Variants in SMG1 observed in about 807,000 individuals in gnomAD.
SMG1 encodes the protein SMG1 nonsense mediated mRNA decay associated PI3K related kinase.
In SMG1, 22 loss-of-function variants were observed where a neutral mutation model predicts 419.9. The ratio of observed to expected loss-of-function variants is 0.05; its 90% CI spans 0.04 to 0.07. The LOEUF (loss-of-function observed/expected upper bound fraction) is 0.07. Ranked by LOEUF, SMG1 falls within the 10% of genes least tolerant of loss-of-function variation. SMG1 has a pLI of 1.00. For missense variants in SMG1, 3,185 were observed against 4,342.0 expected, an observed-to-expected ratio of 0.73 and a Z score of 7.49; for synonymous variants, 1,538 against 1,553.5, an observed-to-expected ratio of 0.99 and a Z score of 0.23.
At chr16:18,897,647 T>C (rs1490684166) in intron 1 of SMG1, among the ~76,000 whole-genome samples, 1 of 149,902 alleles carries the variant, frequency 6.7e-6, no homozygotes, top group East Asian at 1.9e-4. Context: ...GAATAATACC[T>C]GATGCTTATT....
chr16:18,850,046 G>A lies in SMG1; in HGVS notation c.5364C>T (p.Ala1788=), dbSNP rs1280426722. The A allele has an allele frequency of 6.2e-7, 1 of 1,613,970 alleles. No homozygotes were observed. Among genetic ancestry groups the A allele is most frequent in the East Asian group, 2.2e-5 (1 of 44,880 alleles). ...CGAGCAACCGCAGCAGGCGCAATGT[G>A]GCCATCACAATCATGTCATCAGTGC... ...EQSTDDMIVM[A]TLRLLRLLVK... Residue 1788 remains alanine, a synonymous_variant, in exon 35 of 63, where the codon GCC becomes GCT. Coordinates refer to ENST00000446231, the MANE Select transcript of SMG1 (RefSeq NM_015092.5).
intron 30 of SMG1, 49 bp from the exon 31 acceptor site, chr16:18,853,916 T>C (rs1479050243): frequency 2.0e-6 from 3 of 1,513,526 alleles, no homozygotes; most frequent in African/African-American, 1.4e-5. Flanking sequence ...AAGCAAATGA[T>C]GGAGGGAGGC....
intron 23 of SMG1, 54 bp downstream of exon 23, chr16:18,866,567 A>G (rs915221495): frequency 8.5e-6 from 13 of 1,537,860 alleles, no homozygotes; most frequent in Non-Finnish European, 1.1e-5. Flanking sequence ...TGAGTAATAC[A>G]CAGAACTTAA....
chr16:18,829,486 C>A lies in SMG1; in HGVS notation c.9403G>T (p.Asp3135Tyr). ...DFGAESKVSV[D>Y]DLCKKAVEHN... is the part of the protein sequence containing the mutation. Reference sequence around the variant, plus strand: ...TCCACCGCTTTCTTACAGAGATCATCAACAGAAACTTTGCTTTCGGCACCA... The same window carrying A: ...TCCACCGCTTTCTTACAGAGATCATAAACAGAAACTTTGCTTTCGGCACCA... The change falls in exon 54 of 63, where the codon GAT becomes TAT. Residue 3135 changes from aspartate to tyrosine, a missense_variant. This residue lies in a region of SMG1 where 737 missense variants were observed against 846.6 expected (regional missense o/e 0.87). Coordinates refer to ENST00000446231, the MANE Select transcript of SMG1 (RefSeq NM_015092.5). 1.2e-6 allele frequency: 2 copies of A among 1,614,006 alleles called. No homozygotes were observed. The highest frequency in any genetic ancestry group is 1.7e-6 in the Non-Finnish European group (2 of 1,179,886).
chr16:18,838,400 C>G lies in SMG1; in HGVS notation c.7151G>C (p.Gly2384Ala). 2.5e-6 allele frequency: 4 copies of G among 1,613,594 alleles called. No homozygotes were observed. Among genetic ancestry groups the G allele is most frequent in the Non-Finnish European group, 3.4e-6 (4 of 1,179,766 alleles). ...RMTQNIETAL[G>A]VTGVEGVFRL... ...AAATACACCTTCTACTCCAGTTACA[C>G]CCAGTGCTGTTTCAATGTTTTGTGT... Residue 2384 changes from glycine to alanine, a missense_variant, in exon 44 of 63, where the codon GGT becomes GCT. Coordinates refer to ENST00000446231, the MANE Select transcript of SMG1 (RefSeq NM_015092.5).
At chr16:18,900,674 G>T (rs2037311438) in intron 1 of SMG1, among the ~76,000 whole-genome samples, 1 of 152,166 alleles carries the variant, frequency 6.6e-6, no homozygotes, top group Admixed American at 6.6e-5. Flanking sequence ...CTCATGGTGA[G>T]ATCTAATTTA....
At chr16:18,830,433 A>G in intron 51 of SMG1, 64 bp from the exon 52 acceptor site, 1 of 1,551,160 alleles carries the variant, frequency 6.4e-7, no homozygotes, top group Non-Finnish European at 8.9e-7. Context: ...GGGAACATAC[A>G]AAGTCAGTAC....
intron 41 of SMG1, among the ~76,000 whole-genome samples, chr16:18,840,773 T>C (rs2033871203): frequency 6.6e-6 from 1 of 152,232 alleles, no homozygotes; most frequent in Non-Finnish European, 1.5e-5. Context: ...TTTAAAAGCA[T>C]GGTAAATCCA....
At chr16:18,850,660 A>G (rs938953138) in intron 33 of SMG1, among the ~76,000 whole-genome samples, 193 bp from the exon 34 acceptor site, 2 of 152,212 alleles carry the variant, frequency 1.3e-5, no homozygotes, top group Non-Finnish European at 2.9e-5. Context: ...AAGCCAGTGA[A>G]GAAGAATATA....
chr16:18,865,854 C>A (rs1483666354), intron 23 of SMG1, among the ~76,000 whole-genome samples: 1 of 151,846 alleles, frequency 6.6e-6, no homozygotes, highest in African/African-American at 2.4e-5. Flanking sequence ...TTAGTAGAGA[C>A]AGGGTTTCAC....
In SMG1 at chr16:18,876,291, C is replaced by T. The variant is rs1419381972; in HGVS notation, c.1723G>A (p.Ala575Thr). Residue 575 changes from alanine (A) to threonine (T), a missense_variant, in exon 13 of 63, where the codon GCC becomes ACC. Physicochemically the swap from Ala to Thr is moderately conservative, Grantham distance 58 (BLOSUM62 0). Coordinates refer to ENST00000446231, the MANE Select transcript of SMG1 (RefSeq NM_015092.5). Reference sequence around the variant, plus strand: ...AGACTGTGTAGGAGGTTGTTTAGGGCACAAGTCATTTCTCCCAATATTAAC... The same window carrying T: ...AGACTGTGTAGGAGGTTGTTTAGGGTACAAGTCATTTCTCCCAATATTAAC... ...YKLILGEMTCALNNLLHSLQL... is the reference protein window; with the variant it reads ...YKLILGEMTCTLNNLLHSLQL... The T allele has an allele frequency of 1.2e-6, 2 of 1,611,672 alleles. No individual in the cohort carries two copies. Among genetic ancestry groups the T allele is most frequent in the Non-Finnish European group, 1.7e-6 (2 of 1,179,664 alleles).
intron 1 of SMG1, among the ~76,000 whole-genome samples, chr16:18,897,777 C>A (rs1325831699): frequency 6.6e-6 from 1 of 152,022 alleles, no homozygotes; most frequent in African/African-American, 2.4e-5. Flanking sequence ...ATGAGTGTTA[C>A]TCTTTCAGCC....
At chr16:18,850,550 A>G in intron 33 of SMG1, 83 bp from the exon 34 acceptor site, 5 of 901,060 alleles carry the variant, frequency 5.5e-6, no homozygotes, top group Non-Finnish European at 8.3e-6. Context: ...ATCATAAAAA[A>G]TTCTTCTCAT....
rs766595017 is a variant in SMG1, at chr16:18,838,576, T to A, written c.7059A>T (p.Ile2353=). 2 of 1,613,518 alleles carry A rather than the reference T, an allele frequency of 1.2e-6. No homozygotes were observed. The highest frequency in any genetic ancestry group is 3.3e-5 in the Admixed American group (2 of 60,022). Residue 2353 remains isoleucine, a synonymous_variant, in exon 43 of 63, where the codon ATA becomes ATT. Transcript: ENST00000446231. The stretch of plus-strand genomic sequence containing the variant: ...CTTTTTCAAAGCAAACATTGTAATC[T>A]ATGTGAACAACTTCTCCAGTCGTCA... ...IDMTTGEVVH[I]DYNVCFEKGK... is the part of the protein sequence containing the mutation.
At chr16:18,861,564 G>A (rs534065545) in intron 25 of SMG1, 1 of 152,330 alleles carries the variant, frequency 6.6e-6, no homozygotes, top group South Asian at 2.1e-4. Flanking sequence ...GTGCTAGAAA[G>A]GCACATCACC....
intron 1 of SMG1, among the ~76,000 whole-genome samples, chr16:18,922,559 G>A (rs2038237292): frequency 6.6e-6 from 1 of 152,190 alleles, no homozygotes; most frequent in Non-Finnish European, 1.5e-5. Context: ...CCGCCTCTCA[G>A]GTTCAAGTGA....
Position 18,836,418 on chromosome 16 carries a change from A to G in SMG1, c.7719T>C (p.Asn2573=), listed in dbSNP as rs554791957. The change falls in exon 47 of 63, where the codon AAT becomes AAC. Residue 2573 remains asparagine (N), a synonymous_variant. Coordinates refer to ENST00000446231, the MANE Select transcript of SMG1 (RefSeq NM_015092.5). ...AGCTTGCAAGCTGTGTTGCTTCTAA[A>G]TTATTGAATGCAGCCTGATAATGTG... ...WITHYQAAFN[N]LEATQLASLL... 1.2e-6 allele frequency: 2 copies of G among 1,614,056 alleles called. No homozygotes were observed. The highest frequency in any genetic ancestry group is 1.7e-6 in the Non-Finnish European group (2 of 1,179,900).
chr16:18,904,031 G>A (rs1167514000), intron 1 of SMG1, among the ~76,000 whole-genome samples: 6 of 139,252 alleles, frequency 4.3e-5, no homozygotes, highest in Non-Finnish European at 6.0e-5. Flanking sequence ...TCCGCCTCCC[G>A]GATTCACGCC....
chr16:18,921,168 G>C (rs967383446), intron 1 of SMG1, among the ~76,000 whole-genome samples: 1 of 149,990 alleles, frequency 6.7e-6, no homozygotes, highest in Non-Finnish European at 1.5e-5. Flanking sequence ...GAGAGAGAGA[G>C]AGGAAAAATA....
Sources: allele counts gnomAD v4.1 joint callset (sites outside exome capture counted in the v4.1 genomes callset), GRCh38; gene constraint gnomAD v4.1.1; regional missense constraint gnomAD v4.1.1; transcripts MANE v1.5; gene names NCBI Gene and HGNC (gene_info 2026-07-23, HGNC 2026-07-21).